JMJD1C: variants seen among roughly 807,000 people sequenced by gnomAD.
The protein encoded by JMJD1C is jumonji domain containing 1C, also known as jumonji domain-containing protein 1C.
Under a neutral mutation model 245.3 loss-of-function variants are expected in JMJD1C, and 31 were observed. The observed-to-expected ratio is 0.13, with a 90% CI of 0.09 to 0.17. The LOEUF (loss-of-function observed/expected upper bound fraction) is 0.17. Among genes scored for constraint, JMJD1C ranks in the 10% least tolerant of loss-of-function variants. The pLI, the probability that JMJD1C is intolerant of heterozygous loss-of-function variation, is 1.00. For synonymous variants in JMJD1C, 1,057 were observed against 1,017.4 expected (o/e 1.04, Z -0.74); for missense variants, 2,691 against 3,000.2 (o/e 0.90, Z 2.41).
intron 1 of JMJD1C, among the ~76,000 whole-genome samples, chr10:63,416,412 C>CT (rs1204676478): frequency 2.0e-5 from 3 of 151,360 alleles, no homozygotes; most frequent in African/African-American, 7.3e-5. Flanking sequence ...CAGGAAAAAT[C>CT]TATCTCATTT....
At chr10:63,292,547 G>T (rs1028871536) in intron 2 of JMJD1C, among the ~76,000 whole-genome samples, 2 of 151,916 alleles carry the variant, frequency 1.3e-5, no homozygotes, top group African/African-American at 4.8e-5. Context: ...GGAAGCAGAG[G>T]TTGCAACGAG....
chr10:63,475,036 T>C (rs1251490851), intron 1 of JMJD1C, among the ~76,000 whole-genome samples: 1 of 152,206 alleles, frequency 6.6e-6, no homozygotes, highest in African/African-American at 2.4e-5. Context: ...ATCTTCATCA[T>C]ATAGTGATGG....
intron 1 of JMJD1C, among the ~76,000 whole-genome samples, chr10:63,456,714 C>G (rs1010622730): frequency 2.0e-5 from 3 of 152,138 alleles, no homozygotes; most frequent in Non-Finnish European, 4.4e-5. Flanking sequence ...TGGCATGTTA[C>G]ATGCAACCTT....
rs765540006 is a variant in JMJD1C at position 63,398,131 on chromosome 10, A to T, written c.169-17649T>A. 3.3e-5 allele frequency among the ~76,000 whole-genome samples: 5 copies of T among 152,204 alleles called. 1 individual carries two copies. The South Asian group carries it at 1.0e-3, about 31-fold the overall frequency. On this transcript the variant is annotated intron_variant, in intron 1 of 25. Coordinates refer to ENST00000399262, the MANE Select transcript of JMJD1C (RefSeq NM_032776.3). ...TAAAACTATCCATTATTTAACAGGC[A>T]GTATTCAAGTTTCCCAGGTTGGGTT...
chr10:63,518,245 T>C (rs1955086353), intron 1 of JMJD1C, among the ~76,000 whole-genome samples: 2 of 152,190 alleles, frequency 1.3e-5, no homozygotes, highest in Non-Finnish European at 2.9e-5. Context: ...TCAGATGAAG[T>C]TACTCTTACT....
chr10:63,460,458 G>A (rs1409756787), intron 1 of JMJD1C, among the ~76,000 whole-genome samples: 3 of 152,152 alleles, frequency 2.0e-5, no homozygotes, highest in Admixed American at 2.0e-4. Flanking sequence ...GTTCCAGGCG[G>A]CAGTGAGCAA....
intron 1 of JMJD1C, among the ~76,000 whole-genome samples, chr10:63,520,878 T>A (rs1955195455): frequency 6.6e-6 from 1 of 152,160 alleles, no homozygotes; most frequent in Non-Finnish European, 1.5e-5. Flanking sequence ...TGCAAGAACC[T>A]CTCGACGATT....
intron 3 of JMJD1C, among the ~76,000 whole-genome samples, chr10:63,235,243 C>A (rs1850589180): frequency 6.6e-6 from 1 of 152,140 alleles, no homozygotes; most frequent in South Asian, 2.1e-4. Flanking sequence ...TGCCTGTAAT[C>A]CCAGCACTTT....
chr10:63,472,208 A>G (rs185607850), intron 1 of JMJD1C, among the ~76,000 whole-genome samples: 29 of 151,798 alleles, frequency 1.9e-4, no homozygotes, highest in Admixed American at 1.6e-3. Context: ...TATATTATAT[A>G]TAATAATTTC....
At chr10:63,224,748 T>A (rs534179919) in intron 3 of JMJD1C, among the ~76,000 whole-genome samples, 1 of 152,198 alleles carries the variant, frequency 6.6e-6, no homozygotes, top group South Asian at 2.1e-4. Flanking sequence ...CAGCTGTGCC[T>A]TGAGCTCGTG....
At chr10:63,210,868 G>C (rs912170913) in intron 8 of JMJD1C, among the ~76,000 whole-genome samples, 2 of 152,166 alleles carry the variant, frequency 1.3e-5, no homozygotes, top group African/African-American at 4.8e-5. Flanking sequence ...ACAGGTTCCA[G>C]TATGACTCCC....
intron 3 of JMJD1C, among the ~76,000 whole-genome samples, chr10:63,247,102 C>CAAAAAAAAAAAAAA (rs200646094): frequency 4.9e-5 from 3 of 60,836 alleles, no homozygotes; most frequent in Non-Finnish European, 1.4e-4. Context: ...TAAACTGAGA[C>CAAAAAAAAAAAAAA]AAAAAAAACA....
intron 2 of JMJD1C, among the ~76,000 whole-genome samples, chr10:63,335,973 T>C (rs1490794372): frequency 6.6e-6 from 1 of 150,392 alleles, no homozygotes; most frequent in Non-Finnish European, 1.5e-5. Context: ...ATACAAAAAT[T>C]AGCCAGGCGA....
chr10:63,453,401 A>G (rs1952195084), intron 1 of JMJD1C, among the ~76,000 whole-genome samples: 1 of 152,260 alleles, frequency 6.6e-6, no homozygotes, highest in Non-Finnish European at 1.5e-5. Context: ...CTTACCTATT[A>G]AGATTCTATA....
intron 24 of JMJD1C, among the ~76,000 whole-genome samples, chr10:63,173,331 G>A (rs1299423039): frequency 2.6e-5 from 4 of 152,064 alleles, no homozygotes; most frequent in Non-Finnish European, 5.9e-5. Flanking sequence ...AGAAAATGAG[G>A]AGAAAATCTG....
chr10:63,253,401 TGA>T (rs1356988100), intron 3 of JMJD1C, among the ~76,000 whole-genome samples: 1 of 151,852 alleles, frequency 6.6e-6, no homozygotes, highest in East Asian at 1.9e-4. Flanking sequence ...TTTTTTTTTT[TGA>T]GACGAAGTCT....
At chr10:63,365,607 G>GA (rs1431306923) in intron 2 of JMJD1C, among the ~76,000 whole-genome samples, 7 of 151,664 alleles carry the variant, frequency 4.6e-5, no homozygotes, top group Non-Finnish European at 7.4e-5. Flanking sequence ...CACTAGAGGA[G>GA]AAAAAAAAGT....
At chr10:63,258,106 T>C (rs559370809) in intron 3 of JMJD1C, among the ~76,000 whole-genome samples, 2 of 152,318 alleles carry the variant, frequency 1.3e-5, no homozygotes, top group East Asian at 3.9e-4. Context: ...TTACAATATG[T>C]CTCTTATTGA....
chr10:63,406,210 A>G (rs1053498259), intron 1 of JMJD1C, among the ~76,000 whole-genome samples: 2 of 152,176 alleles, frequency 1.3e-5, no homozygotes, highest in African/African-American at 4.8e-5. Context: ...CATAGTTAAA[A>G]AGTAAATGAA....
Sources: gnomAD v4.1 joint callset for allele counts (sites outside exome capture counted in the v4.1 genomes callset) on GRCh38, gnomAD v4.1.1 for gene constraint, MANE v1.5 for transcripts, NCBI Gene and HGNC (gene_info 2026-07-23, HGNC 2026-07-21) for gene names.